The following MUC13 variants were observed in gnomAD, a reference collection of about 807,000 sequenced individuals.
The protein encoded by MUC13 is mucin 13, cell surface associated.
In MUC13, 32 loss-of-function variants were observed where a neutral mutation model predicts 48.3. The observed-to-expected ratio is 0.66, with a 90% confidence interval of 0.50 to 0.89. The LOEUF (loss-of-function observed/expected upper bound fraction) is 0.89. Ranked by LOEUF, MUC13 falls within the 40% of genes least tolerant of loss-of-function variation. MUC13 has a pLI of 0.00. For synonymous variants in MUC13, 199 were observed against 224.9 expected, an observed-to-expected ratio of 0.88 and a Z score of 1.03; for missense variants, 571 against 622.8, an observed-to-expected ratio of 0.92 and a Z score of 0.88.
intron 5 of MUC13, 21 bp downstream of exon 5, chr3:124,920,213 A>C (rs1350908489): frequency 6.3e-7 from 1 of 1,596,912 alleles, no homozygotes; most frequent in Non-Finnish European, 8.6e-7. Context: ...CTGCCTCCAA[A>C]ATTGTCCATA....
intron 2 of MUC13, among the ~76,000 whole-genome samples, chr3:124,926,206 T>C (rs1317871439): frequency 6.6e-6 from 1 of 152,186 alleles, no homozygotes; most frequent in Admixed American, 6.5e-5. Context: ...TGGCCAGGAA[T>C]TGATTAAGTC....
rs1329741664 is a variant in MUC13 at position 124,908,248 on chromosome 3, C to T, written c.1438G>A (p.Glu480Lys). The stretch of plus-strand genomic sequence containing the variant: ...CTGACCTTAGGAAAGACGCTCCCTT[C>T]TGCTCCAAGATTGGTGAAGCCTGTC... The part of the protein sequence containing the change: ...RSTGFTNLGA[E>K]GSVFPKVRIT... Residue 480 changes from glutamate (E) to lysine (K), a missense_variant, in exon 11 of 12, where the codon GAA becomes AAA. Glu to Lys is a moderately conservative substitution (Grantham distance 56). Coordinates refer to ENST00000616727, the MANE Select transcript of MUC13 (RefSeq NM_033049.4). The T allele has an allele frequency of 1.2e-6, 2 of 1,614,102 alleles. No homozygotes were observed. The highest frequency in any genetic ancestry group is 1.7e-6 in the Non-Finnish European group (2 of 1,180,050).
At chr3:124,913,366 C>T in intron 7 of MUC13, 126 bp from the exon 8 acceptor site, 1 of 1,458,938 alleles carries the variant, frequency 6.9e-7, no homozygotes, top group Non-Finnish European at 9.3e-7. Context: ...CTTATTGACT[C>T]CACACATGAT....
intron 1 of MUC13, among the ~76,000 whole-genome samples, chr3:124,929,224 G>A (rs1935751259): frequency 6.7e-6 from 1 of 149,822 alleles, no homozygotes. Context: ...CACACATGCT[G>A]GAGTGCAGTG....
chr3:124,929,710 G>A (rs1935760039), intron 1 of MUC13, among the ~76,000 whole-genome samples: 1 of 152,240 alleles, frequency 6.6e-6, no homozygotes, highest in Non-Finnish European at 1.5e-5. Context: ...GACTGTACCT[G>A]TGAAGTAGAC....
chr3:124,920,181 C>G, intron 5 of MUC13, 53 bp downstream of exon 5: 1 of 1,486,518 alleles, frequency 6.7e-7, no homozygotes, highest in Non-Finnish European at 9.3e-7. Context: ...AAGAGAAGCT[C>G]GGAAGTTAGA....
At chr3:124,912,663 C>A (rs957218082) in intron 8 of MUC13, among the ~76,000 whole-genome samples, 4 of 152,160 alleles carry the variant, frequency 2.6e-5, no homozygotes, top group African/African-American at 9.7e-5. Flanking sequence ...TGATGCTGGG[C>A]ATGGTGGCTC....
intron 11 of MUC13, among the ~76,000 whole-genome samples, chr3:124,907,282 T>C (rs1393122980): frequency 6.6e-6 from 1 of 152,170 alleles, no homozygotes; most frequent in African/African-American, 2.4e-5. Context: ...GCTAGGAGTA[T>C]GGGATGAGCC....
At chr3:124,932,665 C>G (rs1935818021) in intron 1 of MUC13, among the ~76,000 whole-genome samples, 1 of 152,132 alleles carries the variant, frequency 6.6e-6, no homozygotes, top group Non-Finnish European at 1.5e-5. Flanking sequence ...CAGGCAGTAT[C>G]CCGGCACATC....
intron 10 of MUC13, 23 bp downstream of exon 10, chr3:124,910,392 A>G (rs748137178): frequency 6.2e-7 from 1 of 1,601,110 alleles, no homozygotes; most frequent in Admixed American, 1.8e-5. Context: ...AAAAAATTTA[A>G]AAAGGACACT....
At chr3:124,928,082 C>CTTTT (rs56396479) in intron 1 of MUC13, 89 bp from the exon 2 acceptor site, 176 of 716,208 alleles carry the variant, frequency 2.5e-4, no homozygotes, top group Non-Finnish European at 3.0e-4. Flanking sequence ...CCAACTCATT[C>CTTTT]TTTTTTTTTT....
In MUC13 at chr3:124,920,554, C is replaced by G. The variant is rs1935578056; in HGVS notation, c.745-265G>C. Among the ~76,000 whole-genome samples, 3 of 152,216 alleles carry G rather than the reference C, an allele frequency of 2.0e-5. No homozygotes were observed. In the South Asian group the frequency reaches 6.2e-4, roughly 32 times the overall value. ...GCAAGGGAGTTCTGGTGCATCCCTTCTGGATTACAAATCTCCCAGAAACTA... is the reference window on the plus strand; with the variant it reads ...GCAAGGGAGTTCTGGTGCATCCCTTGTGGATTACAAATCTCCCAGAAACTA... On this transcript the variant is annotated intron_variant, in intron 4 of 11. Coordinates refer to ENST00000616727, the MANE Select transcript of MUC13 (RefSeq NM_033049.4).
At chr3:124,931,304 G>A (rs934327663) in intron 1 of MUC13, among the ~76,000 whole-genome samples, 54 of 151,886 alleles carry the variant, frequency 3.6e-4, no homozygotes, top group Middle Eastern at 3.4e-3. Flanking sequence ...GGTGGCACAC[G>A]CCTGTAGTCC....
At chr3:124,933,594 C>T (rs1935832175) in intron 1 of MUC13, among the ~76,000 whole-genome samples, 1 of 152,182 alleles carries the variant, frequency 6.6e-6, no homozygotes, top group African/African-American at 2.4e-5. Context: ...CCCTAATAAT[C>T]ATTTATTGCC....
intron 9 of MUC13, 21 bp from the exon 10 acceptor site, chr3:124,910,520 A>C (rs377295410): frequency 1.5e-4 from 246 of 1,613,680 alleles, no homozygotes; most frequent in Non-Finnish European, 2.4e-5. Flanking sequence ...GAAGAAAATA[A>C]GAACAGTCTC....
chr3:124,917,232 C>T (rs1579365368), intron 5 of MUC13, among the ~76,000 whole-genome samples: 1 of 152,080 alleles, frequency 6.6e-6, no homozygotes, highest in Admixed American at 6.6e-5. Flanking sequence ...GATACAATCA[C>T]TGAAACAGGG....
intron 9 of MUC13, among the ~76,000 whole-genome samples, chr3:124,911,048 T>C (rs757167209): frequency 1.0e-3 from 155 of 152,350 alleles, no homozygotes; most frequent in East Asian, 7.7e-4. Flanking sequence ...ACACACCAGA[T>C]TGCAAACACT....
intron 1 of MUC13, among the ~76,000 whole-genome samples, chr3:124,929,693 TG>T (rs148950379): frequency 0.037 from 5,575 of 152,324 alleles, 151 homozygotes; most frequent in South Asian, 0.072. Context: ...GCACTGGCCC[TG>T]TGCCCGACTG....
At chr3:124,929,180 A>T (rs191221914) in intron 1 of MUC13, among the ~76,000 whole-genome samples, 40,739 of 117,972 alleles carry the variant, frequency 0.35, 6,050 homozygotes, top group African/African-American at 0.4. Context: ...CTTTTATTTT[A>T]TTTTTTTTTT....
Sources: gnomAD v4.1 joint callset for allele counts (sites outside exome capture counted in the v4.1 genomes callset) on GRCh38, gnomAD v4.1.1 for gene constraint, MANE v1.5 for transcripts, NCBI Gene and HGNC (gene_info 2026-07-23, HGNC 2026-07-21) for gene names.